DIAPH2: variants seen among roughly 807,000 people sequenced by gnomAD.
The protein encoded by DIAPH2 is diaphanous related formin 2, also known as protein diaphanous homolog 2.
A neutral mutation model predicts 92.7 loss-of-function variants in DIAPH2; 35 were observed. The observed-to-expected ratio is 0.38, with a 90% confidence interval of 0.29 to 0.50. The LOEUF is 0.50. Among genes scored for constraint, DIAPH2 ranks in the 20% least tolerant of loss-of-function variants. The probability of loss-of-function intolerance (pLI) is 0.94; values close to 1 mark genes in which losing one functional copy is unlikely to be tolerated. For missense variants in DIAPH2, 701 were observed against 819.5 expected (o/e 0.86, Z 1.77); for synonymous variants, 301 against 280.4 (o/e 1.07, Z -0.73).
chrX:96,879,683 TG>T (rs1165385078), intron 4 of DIAPH2, among the ~76,000 whole-genome samples: 20 of 111,345 alleles, frequency 1.8e-4, no homozygotes, highest in Admixed American at 1.4e-3. Flanking sequence ...CTCTCGGTGA[TG>T]GTTTTACTTA....
In DIAPH2 at chrX:96,884,469, G is replaced by C. The variant is rs368340875; in HGVS notation, c.587+2751G>C. On this transcript the variant is annotated intron_variant, in intron 5 of 26. Coordinates refer to ENST00000324765, the MANE Select transcript of DIAPH2 (RefSeq NM_006729.5). Reference sequence around the variant, plus strand: ...ACGTTGTACCGTGTAATGTGAACCAGCTTCTCAGCTCTACTGTGTTTGACC... The same window carrying C: ...ACGTTGTACCGTGTAATGTGAACCACCTTCTCAGCTCTACTGTGTTTGACC... The C allele has an allele frequency of 5.8e-6, 7 of 1,209,220 alleles. No homozygotes were observed. In the African/African-American group the frequency reaches 1.1e-4, roughly 18 times the overall value.
At chrX:97,259,800 A>C (rs1204239210) in intron 23 of DIAPH2, among the ~76,000 whole-genome samples, 2 of 112,176 alleles carry the variant, frequency 1.8e-5, no homozygotes, top group Non-Finnish European at 3.8e-5. Flanking sequence ...CTAACCCTAA[A>C]TGTTCTGTAG....
At chrX:97,274,047 GTGTGTGTA>G (rs1203861066) in intron 23 of DIAPH2, among the ~76,000 whole-genome samples, 8 of 105,196 alleles carry the variant, frequency 7.6e-5, no homozygotes, top group South Asian at 4.1e-4. Flanking sequence ...GTGTGTGTGT[GTGTGTGTA>G]TAGAGAGAGA....
intron 21 of DIAPH2, among the ~76,000 whole-genome samples, chrX:97,123,481 C>A (rs749006592): frequency 2.7e-5 from 3 of 112,395 alleles, no homozygotes; most frequent in South Asian, 3.7e-4. Context: ...GGAAAGAATT[C>A]TCCATAAGGT....
chrX:96,685,276 C>T (rs112559430), intron 1 of DIAPH2, 86 bp downstream of exon 1: 1 of 932,463 alleles, frequency 1.1e-6, no homozygotes, highest in Non-Finnish European at 1.4e-6. Flanking sequence ...GCACCCGGGG[C>T]CCCCTCCCAA....
chrX:97,053,317 C>A (rs1664851431), intron 17 of DIAPH2, among the ~76,000 whole-genome samples: 1 of 111,408 alleles, frequency 9.0e-6, no homozygotes, highest in South Asian at 3.8e-4. Flanking sequence ...TACTTTCTTG[C>A]CAGGTTATCT....
At chrX:97,016,486 T>C (rs1462498877) in intron 17 of DIAPH2, among the ~76,000 whole-genome samples, 2 of 112,293 alleles carry the variant, frequency 1.8e-5, no homozygotes, top group Non-Finnish European at 3.8e-5. Context: ...CTATATATTT[T>C]AGGCTACTGA....
chrX:97,464,685 G>A (rs987963155), intron 26 of DIAPH2, among the ~76,000 whole-genome samples: 5 of 111,666 alleles, frequency 4.5e-5, no homozygotes, highest in African/African-American at 1.6e-4. Context: ...TGATGAAAGA[G>A]CAGATTCTCT....
At chrX:96,766,824 G>C (rs2147609098) in intron 4 of DIAPH2, among the ~76,000 whole-genome samples, 1 of 111,958 alleles carries the variant, frequency 8.9e-6, no homozygotes, top group African/African-American at 3.2e-5. Flanking sequence ...AGGCATTTGA[G>C]GCCCTCCTGA....
chrX:97,281,549 C>A (rs952101333), intron 23 of DIAPH2, among the ~76,000 whole-genome samples: 1 of 110,763 alleles, frequency 9.0e-6, no homozygotes, highest in Non-Finnish European at 1.9e-5. Context: ...TCGAGACCAT[C>A]CTGGCTAACA....
At chrX:97,584,197 C>T (rs762822836) in intron 26 of DIAPH2, among the ~76,000 whole-genome samples, 25 of 112,149 alleles carry the variant, frequency 2.2e-4, no homozygotes, top group African/African-American at 7.1e-4. Flanking sequence ...TTCGAGAAGA[C>T]TGTTTTCAAA....
At chrX:97,257,195 G>GTAT (rs2068244932) in intron 23 of DIAPH2, among the ~76,000 whole-genome samples, 1 of 111,652 alleles carries the variant, frequency 9.0e-6, no homozygotes, top group Admixed American at 9.6e-5. Context: ...TAATAGGATT[G>GTAT]TATGTATACC....
intron 17 of DIAPH2, among the ~76,000 whole-genome samples, chrX:97,018,412 T>C (rs2066274644): frequency 8.9e-6 from 1 of 112,502 alleles, no homozygotes; most frequent in East Asian, 2.8e-4. Context: ...TTTTTATTTT[T>C]ATGAGAAGTA....
chrX:97,589,557 TG>T lies in DIAPH2; in HGVS notation c.3242-9695del, dbSNP rs1288050910. 2.7e-5 allele frequency among the ~76,000 whole-genome samples: 3 copies of T among 111,370 alleles called. No individual in the cohort carries two copies. The East Asian group carries it at 8.5e-4, about 31-fold the overall frequency. ...ATTGACTGCATAGTATCCCAATGTTTGTAGGTTCCCTGTTTTGTCTAATCCC... is the reference window on the plus strand; with the variant it reads ...ATTGACTGCATAGTATCCCAATGTTTTAGGTTCCCTGTTTTGTCTAATCCC... On this transcript the variant is annotated intron_variant, in intron 26 of 26. Coordinates refer to ENST00000324765, the MANE Select transcript of DIAPH2 (RefSeq NM_006729.5).
intron 16 of DIAPH2, among the ~76,000 whole-genome samples, chrX:96,961,677 T>G (rs768733350): frequency 9.1e-6 from 1 of 110,318 alleles, no homozygotes; most frequent in African/African-American, 3.3e-5. Flanking sequence ...GCTATGAACA[T>G]CCCTCTTAGC....
At chrX:96,838,433 G>C (rs749379839) in intron 4 of DIAPH2, among the ~76,000 whole-genome samples, 6 of 111,837 alleles carry the variant, frequency 5.4e-5, no homozygotes, top group Admixed American at 1.9e-4. Context: ...ACATTTTCAT[G>C]ATGCCAAAAT....
intron 23 of DIAPH2, among the ~76,000 whole-genome samples, chrX:97,297,076 CTTTTTTTTTTTTTTT>C (rs57145821): frequency 1.8e-3 from 37 of 20,735 alleles, no homozygotes; most frequent in African/African-American, 6.1e-3. Flanking sequence ...CAGGCCTGGC[CTTTTTTTTTTTTTTT>C]TTTTTTTTTT....
At chrX:97,106,219 G>C (rs1366433171) in intron 20 of DIAPH2, among the ~76,000 whole-genome samples, 2 of 111,304 alleles carry the variant, frequency 1.8e-5, no homozygotes, top group East Asian at 5.6e-4. Context: ...GGAGTATTAA[G>C]TGTTTTGATT....
At chrX:96,856,479 A>C (rs2065040610) in intron 4 of DIAPH2, among the ~76,000 whole-genome samples, 1 of 99,118 alleles carries the variant, frequency 1.0e-5, no homozygotes, top group Non-Finnish European at 2.0e-5. Flanking sequence ...TACTGTGGTT[A>C]CACTATCTTT....
Sources: gnomAD v4.1 joint callset for allele counts (sites outside exome capture counted in the v4.1 genomes callset) on GRCh38, gnomAD v4.1.1 for gene constraint, MANE v1.5 for transcripts, NCBI Gene and HGNC (gene_info 2026-07-23, HGNC 2026-07-21) for gene names.